The following TCF12 variants were observed in gnomAD, a reference collection of about 807,000 sequenced individuals.
TCF12 encodes transcription factor 12.
Under a neutral mutation model 86.0 loss-of-function variants are expected in TCF12, and 45 were observed. That is an observed-to-expected ratio of 0.52 (90% confidence interval 0.41 to 0.67). The LOEUF (loss-of-function observed/expected upper bound fraction) is 0.67. Among genes scored for constraint, TCF12 ranks in the 30% least tolerant of loss-of-function variants. The pLI is 0.00. For missense variants in TCF12, 881 were observed against 859.9 expected (o/e 1.02, Z -0.31); for synonymous variants, 330 against 299.6 (o/e 1.10, Z -1.05).
At chr15:57,205,038 C>T (rs1011818822) in intron 8 of TCF12, among the ~76,000 whole-genome samples, 4 of 152,142 alleles carry the variant, frequency 2.6e-5, no homozygotes, top group South Asian at 2.1e-4. Context: ...CCCGGCCAGG[C>T]GCAGTGGCTC....
intron 3 of TCF12, among the ~76,000 whole-genome samples, chr15:57,050,005 G>A (rs1481203434): frequency 6.6e-6 from 1 of 152,012 alleles, no homozygotes; most frequent in Non-Finnish European, 1.5e-5. Context: ...TTATTTTTAG[G>A]GGTTCCTCTA....
intron 8 of TCF12, among the ~76,000 whole-genome samples, chr15:57,220,059 A>C (rs919019327): frequency 6.6e-6 from 1 of 152,192 alleles, no homozygotes; most frequent in Non-Finnish European, 1.5e-5. Flanking sequence ...TAGTGTCAGT[A>C]AAGTCCTGTC....
intron 16 of TCF12, among the ~76,000 whole-genome samples, chr15:57,254,081 T>G (rs1240325979): frequency 7.2e-5 from 11 of 152,220 alleles, no homozygotes; most frequent in African/African-American, 2.7e-4. Context: ...CTTACATTAT[T>G]TTTTATCCAA....
intron 3 of TCF12, among the ~76,000 whole-genome samples, chr15:56,974,382 T>A (rs1359766778): frequency 6.6e-6 from 1 of 152,032 alleles, no homozygotes; most frequent in African/African-American, 2.4e-5. Context: ...TTACCACATG[T>A]GGGATTTAGG....
At chr15:57,218,212 G>T (rs2058414365) in intron 8 of TCF12, among the ~76,000 whole-genome samples, 1 of 152,128 alleles carries the variant, frequency 6.6e-6, no homozygotes, top group African/African-American at 2.4e-5. Flanking sequence ...TAAAAAAAGT[G>T]ATGTGCCCCC....
intron 3 of TCF12, among the ~76,000 whole-genome samples, chr15:56,964,601 G>T (rs1405551348): frequency 2.0e-5 from 3 of 152,094 alleles, no homozygotes; most frequent in African/African-American, 4.8e-5. Context: ...ATAACCAACA[G>T]GGATTTCTTC....
At chr15:57,116,526 T>C (rs965932044) in intron 5 of TCF12, among the ~76,000 whole-genome samples, 1 of 152,064 alleles carries the variant, frequency 6.6e-6, no homozygotes, top group Non-Finnish European at 1.5e-5. Context: ...TTGTAATTTT[T>C]TGTAGAGACA....
intron 8 of TCF12, among the ~76,000 whole-genome samples, chr15:57,215,124 T>A (rs2058279695): frequency 6.6e-6 from 1 of 152,168 alleles, no homozygotes; most frequent in Non-Finnish European, 1.5e-5. Flanking sequence ...AACAACTTTC[T>A]GAACATATTT....
chr15:57,004,269 T>G (rs1487829607), intron 3 of TCF12, among the ~76,000 whole-genome samples: 1 of 151,840 alleles, frequency 6.6e-6, no homozygotes, highest in South Asian at 2.1e-4. Context: ...GTTTTGCTCT[T>G]GTAGCCCAGG....
At chr15:56,974,396 A>C (rs376975884) in intron 3 of TCF12, among the ~76,000 whole-genome samples, 16 of 152,230 alleles carry the variant, frequency 1.1e-4, no homozygotes, top group Admixed American at 2.6e-4. Context: ...ATTTAGGTGA[A>C]GACTCTATGG....
At chr15:57,142,448 T>G (rs1345416588) in intron 5 of TCF12, among the ~76,000 whole-genome samples, 4 of 152,242 alleles carry the variant, frequency 2.6e-5, no homozygotes, top group Non-Finnish European at 5.9e-5. Context: ...CTTGTTATTC[T>G]GGAAAGGAAG....
rs1465733549 is a variant in TCF12 at position 57,038,155 on chromosome 15, G to A, written c.149-25595G>A. 2.6e-5 allele frequency among the ~76,000 whole-genome samples: 4 copies of A among 152,300 alleles called. No homozygotes were observed. In the South Asian group the frequency reaches 8.3e-4, roughly 32 times the overall value. On this transcript the variant is annotated intron_variant, in intron 3 of 20. Coordinates refer to ENST00000333725, the MANE Select transcript of TCF12 (RefSeq NM_207037.2). ...GGCAAGCTCTCAATAATAGAAAAGT[G>A]TGGGGCAGGCGTGGCGGCTCATGCC... is the stretch of plus-strand genomic sequence containing the variant.
intron 8 of TCF12, among the ~76,000 whole-genome samples, chr15:57,200,019 C>G (rs1012888818): frequency 1.3e-5 from 2 of 150,142 alleles, no homozygotes; most frequent in Non-Finnish European, 3.0e-5. Context: ...GTAGCTGGGA[C>G]TACAGGGACA....
intron 3 of TCF12, among the ~76,000 whole-genome samples, chr15:57,025,565 T>C (rs916737526): frequency 2.6e-5 from 4 of 152,276 alleles, no homozygotes; most frequent in Admixed American, 1.3e-4. Flanking sequence ...TGGGATGGAA[T>C]TGTAGCCTAT....
chr15:57,030,402 C>T (rs2066094273), intron 3 of TCF12, among the ~76,000 whole-genome samples: 1 of 152,146 alleles, frequency 6.6e-6, no homozygotes, highest in Admixed American at 6.6e-5. Context: ...GCACACCTGG[C>T]TAACCTGGCT....
At chr15:57,264,891 G>A (rs561008263) in intron 18 of TCF12, among the ~76,000 whole-genome samples, 71 of 151,896 alleles carry the variant, frequency 4.7e-4, no homozygotes, top group Non-Finnish European at 8.5e-4. Context: ...CACCATGCCC[G>A]GCGAATTTTT....
At chr15:57,134,375 T>C (rs1006441076) in intron 5 of TCF12, 13 of 152,338 alleles carry the variant, frequency 8.5e-5, no homozygotes, top group Middle Eastern at 3.4e-3. Flanking sequence ...TTAACAGAAA[T>C]TGATGCTGAG....
intron 4 of TCF12, among the ~76,000 whole-genome samples, chr15:57,064,319 C>T (rs569190584): frequency 1.3e-5 from 2 of 152,192 alleles, no homozygotes; most frequent in South Asian, 2.1e-4. Flanking sequence ...AGGACCAAGT[C>T]AACTTTCTAC....
intron 5 of TCF12, among the ~76,000 whole-genome samples, chr15:57,135,806 A>T (rs964551299): frequency 6.6e-6 from 1 of 152,160 alleles, no homozygotes; most frequent in African/African-American, 2.4e-5. Flanking sequence ...GGAATAAGAA[A>T]ACTAAAAGCC....
Sources: allele counts gnomAD v4.1 joint callset (sites outside exome capture counted in the v4.1 genomes callset), GRCh38; gene constraint gnomAD v4.1.1; transcripts MANE v1.5; gene names NCBI Gene and HGNC (gene_info 2026-07-23, HGNC 2026-07-21).